Variants in EIF1 observed in about 807,000 individuals in gnomAD.
The protein encoded by EIF1 is protein translation factor SUI1 homolog.
In EIF1, 4 loss-of-function variants were observed where a neutral mutation model predicts 13.7. The ratio of observed to expected loss-of-function variants is 0.29; its 90% confidence interval spans 0.14 to 0.67. The LOEUF is 0.67. Ranked by LOEUF, EIF1 falls within the 30% of genes least tolerant of loss-of-function variation. EIF1 has a pLI of 0.77. For missense variants in EIF1, 64 were observed against 138.0 expected, an observed-to-expected ratio of 0.46 and a Z score of 2.69; for synonymous variants, 67 against 50.7, an observed-to-expected ratio of 1.32 and a Z score of -1.37.
intron 3 of EIF1, 147 bp from the exon 4 acceptor site, chr17:41,690,635 T>C (rs1910347262): frequency 1.3e-6 from 1 of 765,958 alleles, no homozygotes; most frequent in Non-Finnish European, 2.2e-6. Flanking sequence ...AAGGTAGCTC[T>C]TAACTGAGGA....
Position 41,689,887 on chromosome 17 carries a change from C to G in EIF1, c.141C>G (p.Val47=), listed in dbSNP as rs186779253. The stretch of plus-strand genomic sequence containing the variant: ...ACGGCAGGAAGACCCTTACTACTGT[C>G]CAAGGGATCGCTGATGATTACGATA... ...QRNGRKTLTT[V]QGIADDYDKK... is the part of the protein sequence containing the mutation. The change falls in exon 2 of 4, where the codon GTC becomes GTG. Residue 47 remains valine (V), a synonymous_variant. Transcript: ENST00000469257. 2.0e-5 allele frequency: 33 copies of G among 1,613,418 alleles called. No homozygotes were observed. The highest frequency in any genetic ancestry group is 2.7e-5 in the Non-Finnish European group (32 of 1,179,742).
At chr17:41,689,391 G>A in intron 1 of EIF1, 1 of 526,074 alleles carries the variant, frequency 1.9e-6, no homozygotes, top group South Asian at 2.4e-5. Context: ...ACCACCCGTT[G>A]TCACGGATCC....
Position 41,691,830 on chromosome 17 carries a change from G to A in EIF1, c.*1004G>A, listed in dbSNP as rs908582173. 6.6e-6 allele frequency: 1 copy of A among 152,264 alleles called. No homozygotes were observed. Among genetic ancestry groups the A allele is most frequent in the Non-Finnish European group, 1.5e-5 (1 of 68,072 alleles). 9.4% of individuals were successfully genotyped at this position (152,264 alleles called of 1,614,324 possible). A position where few individuals can be genotyped will look rare whatever the true frequency, so the allele number is the denominator to read the frequency against. Reference sequence around the variant, plus strand: ...TTTTGTTCGTTTGTTTTTTGAGACAGGTTTGCCCTTGTTGCCCAGGCTGGA... The same window carrying A: ...TTTTGTTCGTTTGTTTTTTGAGACAAGTTTGCCCTTGTTGCCCAGGCTGGA... On this transcript the variant is annotated 3_prime_UTR_variant, in exon 4 of 4. Transcript: ENST00000469257.
At chr17:41,690,698 G>C (rs1910349614) in intron 3 of EIF1, 84 bp from the exon 4 acceptor site, 1 of 1,495,532 alleles carries the variant, frequency 6.7e-7, no homozygotes, top group Admixed American at 1.7e-5. Flanking sequence ...TGTAGTAGCA[G>C]GAAGACAGGG....
chr17:41,689,756 C>A (rs554680654), intron 1 of EIF1, 22 bp from the exon 2 acceptor site: 2 of 1,570,768 alleles, frequency 1.3e-6, no homozygotes, highest in Middle Eastern at 1.9e-4. Context: ...CAGCTCTGAA[C>A]GAGCTTAACC....
At chr17:41,690,756 A>G (rs1350960902) in intron 3 of EIF1, 26 bp from the exon 4 acceptor site, 42 of 1,613,654 alleles carry the variant, frequency 2.6e-5, no homozygotes, top group Non-Finnish European at 3.5e-5. Flanking sequence ...TCCCCCATTT[A>G]AAACTTTGCC....
rs1025939260 is a variant in EIF1, at chr17:41,691,232, AG to A, written c.*408del. On this transcript the variant is annotated 3_prime_UTR_variant, in exon 4 of 4. Transcript: ENST00000469257. Reference sequence around the variant, plus strand: ...GAATCTGAGAGGAGAGGATGGGGTAAGGCAGAAGCACCAGCTGTACTACTAG... The same window carrying A: ...GAATCTGAGAGGAGAGGATGGGGTAAGCAGAAGCACCAGCTGTACTACTAG... 1.1e-5 allele frequency: 4 copies of A among 354,776 alleles called. No individual in the cohort carries two copies. The highest frequency in any genetic ancestry group is 8.3e-5 in the African/African-American group (4 of 48,166). 22.0% of individuals were successfully genotyped at this position (354,776 alleles called of 1,614,324 possible). A position where few individuals can be genotyped will look rare whatever the true frequency, so the allele number is the denominator to read the frequency against.
intron 3 of EIF1, 96 bp from the exon 4 acceptor site, chr17:41,690,686 A>C: frequency 7.3e-7 from 1 of 1,377,668 alleles, no homozygotes; most frequent in Non-Finnish European, 1.0e-6. Context: ...GCTCTTGGGC[A>C]GTGTAGTAGC....
At position 41,688,947 on chromosome 17, in the gene EIF1, C is replaced by A. The variant is rs1023078515; in HGVS notation, c.-92C>A. The A allele has an allele frequency of 5.9e-5, 82 of 1,385,246 alleles. No homozygotes were observed. The allele number at this position is 1,385,246 out of a possible 1,614,324, so 85.8% of individuals were successfully genotyped here. A position where few individuals can be genotyped will look rare whatever the true frequency, so the allele number is the denominator to read the frequency against. The stretch of plus-strand genomic sequence containing the variant: ...CTCCCCCTTGAGCCCCCTCGCTTCC[C>A]GACGTTCCGTTCCCCCCTGCCCGCC... On this transcript the variant is annotated 5_prime_UTR_variant, in exon 1 of 4. Coordinates refer to ENST00000469257, the MANE Select transcript of EIF1 (RefSeq NM_005801.4).
rs898826573 is a variant in EIF1, at chr17:41,690,361, T to G, written c.297+172T>G. On this transcript the variant is annotated intron_variant, in intron 3 of 3. Coordinates refer to ENST00000469257, the MANE Select transcript of EIF1 (RefSeq NM_005801.4). ...TTTATAGGAAAAAGCAGAAGGGACT[T>G]GTCTACCTTTGGTTTACTGTTTCTG... The G allele has an allele frequency of 6.8e-6, 4 of 591,052 alleles. No homozygotes were observed. The African/African-American group carries it at 7.5e-5, about 11-fold the overall frequency. The allele number at this position is 591,052 out of a possible 1,614,324, so 36.6% of individuals were successfully genotyped here. A position where few individuals can be genotyped will look rare whatever the true frequency, so the allele number is the denominator to read the frequency against.
rs1910345093 is a variant in EIF1, at chr17:41,690,588, C to T, written c.298-194C>T. ...ATACCTGATGAGTCTCATTCTCACA[C>T]TAATTCAGAACCTTGGAAGGCACTG... On this transcript the variant is annotated intron_variant, in intron 3 of 3. Transcript: ENST00000469257. 7 of 599,144 alleles carry T rather than the reference C, an allele frequency of 1.2e-5. No homozygotes were observed. In the South Asian group the frequency reaches 1.3e-4, roughly 11 times the overall value. 37.1% of individuals were successfully genotyped at this position (599,144 alleles called of 1,614,324 possible).
intron 3 of EIF1, 200 bp downstream of exon 3, chr17:41,690,389 G>C (rs1910336180): frequency 1.7e-6 from 1 of 575,816 alleles, no homozygotes; most frequent in Non-Finnish European, 3.0e-6. Flanking sequence ...TGTTTCTGTG[G>C]ATCTACTTCA....
intron 1 of EIF1, 161 bp downstream of exon 1, chr17:41,689,230 G>T: frequency 6.0e-6 from 5 of 836,590 alleles, no homozygotes; most frequent in Non-Finnish European, 9.4e-6. Flanking sequence ...CTGGGCCCCG[G>T]GGTCGGACCC....
Position 41,691,493 on chromosome 17 carries a change from G to A in EIF1, c.*667G>A, listed in dbSNP as rs1910377841. On this transcript the variant is annotated 3_prime_UTR_variant, in exon 4 of 4. Coordinates refer to ENST00000469257, the MANE Select transcript of EIF1 (RefSeq NM_005801.4). ...AATCTCAAACTGATCCATCAGTCAT[G>A]TAGCTAGCTGTAGAGCTTGCAACTT... The A allele has an allele frequency of 1.3e-5, 2 of 153,048 alleles. No individual in the cohort carries two copies. Among genetic ancestry groups the A allele is most frequent in the African/African-American group, 2.4e-5 (1 of 41,462 alleles). 9.5% of individuals were successfully genotyped at this position (153,048 alleles called of 1,614,324 possible). A position where few individuals can be genotyped will look rare whatever the true frequency, so the allele number is the denominator to read the frequency against.
intron 3 of EIF1, chr17:41,690,531 A>G (rs1424906299): frequency 1.1e-4 from 60 of 567,080 alleles, no homozygotes. Context: ...CTGTTACATG[A>G]TCAGCTCTTG....
In EIF1 at chr17:41,691,724, TCCACAC is replaced by T. The variant is rs1910386302; in HGVS notation, c.*904_*909del. On this transcript the variant is annotated 3_prime_UTR_variant, in exon 4 of 4. Coordinates refer to ENST00000469257, the MANE Select transcript of EIF1 (RefSeq NM_005801.4). The stretch of plus-strand genomic sequence containing the variant: ...ATAGAAATGGGCAGTGGAGGATTCG[TCCACAC>T]CCACAGCTTCTCAACGGGCCTGAAT... 6.6e-6 allele frequency: 1 copy of T among 152,660 alleles called. No individual in the cohort carries two copies. The allele number at this position is 152,660 out of a possible 1,614,324, so 9.5% of individuals were successfully genotyped here. A position where few individuals can be genotyped will look rare whatever the true frequency, so the allele number is the denominator to read the frequency against.
rs183332637 is a variant in EIF1 at position 41,692,533 on chromosome 17, C to T, written c.*1707C>T. On this transcript the variant is annotated 3_prime_UTR_variant, in exon 4 of 4. Transcript: ENST00000469257. ...TTCATTCAACAATGAGCCTCACAGCCGTGCTACACAATAAGATTATAATAC... is the reference window on the plus strand; with the variant it reads ...TTCATTCAACAATGAGCCTCACAGCTGTGCTACACAATAAGATTATAATAC... 266 of 129,914 alleles carry T rather than the reference C, an allele frequency of 2.0e-3. 1 individual carries two copies. The highest frequency in any genetic ancestry group is 6.7e-3 in the African/African-American group (252 of 37,510). The allele number at this position is 129,914 out of a possible 1,614,324, so 8.0% of individuals were successfully genotyped here. A position where few individuals can be genotyped will look rare whatever the true frequency, so the allele number is the denominator to read the frequency against.
chr17:41,690,325 C>CTTT, intron 3 of EIF1, 136 bp downstream of exon 3: 1 of 645,548 alleles, frequency 1.5e-6, no homozygotes, highest in Non-Finnish European at 2.7e-6. Context: ...AGTACATAGA[C>CTTT]TTATTTCTGT....
chr17:41,689,456 G>A, intron 1 of EIF1: 2 of 471,304 alleles, frequency 4.2e-6, no homozygotes, highest in African/African-American at 2.0e-5. Context: ...AATGGGGGTG[G>A]GAGGCTTAGC....
Sources: gnomAD v4.1 joint callset for allele counts on GRCh38, gnomAD v4.1.1 for gene constraint, MANE v1.5 for transcripts, NCBI Gene and HGNC (gene_info 2026-07-23, HGNC 2026-07-21) for gene names.